Variants in PPP6R2 observed in about 807,000 individuals in gnomAD.
The protein encoded by PPP6R2 is protein phosphatase 6 regulatory subunit 2.
PPP6R2 carries 62 observed loss-of-function variants against 100.2 expected under a neutral mutation model. The observed-to-expected ratio is 0.62, with a 90% CI of 0.50 to 0.76. PPP6R2 has a LOEUF of 0.76. Ranked by LOEUF, PPP6R2 falls within the 30% of genes least tolerant of loss-of-function variation. The probability of loss-of-function intolerance (pLI) is 0.00; values close to 1 mark genes in which losing one functional copy is unlikely to be tolerated. For synonymous variants in PPP6R2, 525 were observed against 514.7 expected (o/e 1.02, Z -0.27); for missense variants, 1,142 against 1,276.3 (o/e 0.89, Z 1.60).
At chr22:50,357,738 C>G (rs1196485189) in intron 1 of PPP6R2, among the ~76,000 whole-genome samples, 1 of 151,912 alleles carries the variant, frequency 6.6e-6, no homozygotes, top group Admixed American at 6.6e-5. Flanking sequence ...ATTCTCCTGC[C>G]TCGGCCTCCC....
rs1055683653 is a variant in PPP6R2 at position 50,423,726 on chromosome 22, C to G, written c.1125+112C>G. On this transcript the variant is annotated intron_variant, in intron 10 of 23. Coordinates refer to ENST00000612753, the MANE Select transcript of PPP6R2 (RefSeq NM_001242898.2). The surrounding 1 kb of genome is among the most constrained non-coding windows in gnomAD (Gnocchi z 4.8). ...CCAGCATTTGGACAAAGCTCTGCCA[C>G]GGGGAGGTTCCAGTCCCAAGTCCCA... 1 of 1,366,054 alleles carries G rather than the reference C, an allele frequency of 7.3e-7. No individual in the cohort carries two copies. Among genetic ancestry groups the G allele is most frequent in the Non-Finnish European group, 1.0e-6 (1 of 997,588 alleles). The allele number at this position is 1,366,054 out of a possible 1,614,324, so 84.6% of individuals were successfully genotyped here.
rs748401300 is a variant in PPP6R2, at chr22:50,429,570, T to C, written c.1126-1603T>C. Among the ~76,000 whole-genome samples, 24 of 152,222 alleles carry C rather than the reference T, an allele frequency of 1.6e-4. 1 individual carries two copies. The highest frequency in any genetic ancestry group is 4.6e-4 in the Admixed American group (7 of 15,280). On this transcript the variant is annotated intron_variant, in intron 10 of 23. Coordinates refer to ENST00000612753, the MANE Select transcript of PPP6R2 (RefSeq NM_001242898.2). ...ATTGGTTTGTAGTTTTCTTTTCTTG[T>C]AGTGTCCTCATTCAGCTTTGGTATC...
chr22:50,435,932 A>ACGCC (rs1569489352), intron 13 of PPP6R2, among the ~76,000 whole-genome samples: 1 of 152,162 alleles, frequency 6.6e-6, no homozygotes, highest in Non-Finnish European at 1.5e-5. Context: ...CCCCGGAAAA[A>ACGCC]CAGGCAGGAC....
chr22:50,413,447 T>A (rs1013570379), intron 4 of PPP6R2, among the ~76,000 whole-genome samples: 5 of 152,092 alleles, frequency 3.3e-5, no homozygotes, highest in Admixed American at 3.3e-4. Flanking sequence ...TGAGTTATGA[T>A]CGCACCACTG....
At chr22:50,437,260 G>A (rs2064529049) in intron 15 of PPP6R2, among the ~76,000 whole-genome samples, 192 bp downstream of exon 15, 1 of 152,246 alleles carries the variant, frequency 6.6e-6, no homozygotes, top group African/African-American at 2.4e-5. Flanking sequence ...TGAGAGCACT[G>A]AGGACACGGC....
intron 22 of PPP6R2, among the ~76,000 whole-genome samples, chr22:50,441,956 CAA>C (rs2065750987): frequency 6.6e-6 from 1 of 152,152 alleles, no homozygotes; most frequent in Admixed American, 6.5e-5. Flanking sequence ...CACAGCTGTG[CAA>C]AGACCCTGAG....
At chr22:50,441,346 C>G (rs887150097) in intron 22 of PPP6R2, among the ~76,000 whole-genome samples, 1 of 152,186 alleles carries the variant, frequency 6.6e-6, no homozygotes, top group African/African-American at 2.4e-5. Context: ...GGGGAGCAGC[C>G]CCTACCCCAG....
In PPP6R2 at chr22:50,418,848, G is replaced by GT; in HGVS notation, c.619-16dup. ...TCTTCTCCACACTGAGGGACTCTGTGTTTCCCTTGTCTTTTCAGAGGCAGT... is the reference window on the plus strand; with the variant it reads ...TCTTCTCCACACTGAGGGACTCTGTGTTTTCCCTTGTCTTTTCAGAGGCAGT... On this transcript the variant is annotated intron_variant, in intron 6 of 23. Transcript: ENST00000612753. 1 of 1,588,726 alleles carries GT rather than the reference G, an allele frequency of 6.3e-7. No homozygotes were observed.
Position 50,414,664 on chromosome 22 carries a change from C to T in PPP6R2, c.527C>T (p.Ala176Val). Residue 176 changes from alanine to valine, a missense_variant, in exon 5 of 24, where the codon GCC becomes GTC. Physicochemically the swap from Ala to Val is moderately conservative, Grantham distance 64 (BLOSUM62 0). This residue lies in a region of PPP6R2 where 592 missense variants were observed against 758.9 expected (regional missense o/e 0.78). Coordinates refer to ENST00000612753, the MANE Select transcript of PPP6R2 (RefSeq NM_001242898.2). ...LLRLVSCVEP[A>V]GLRQDVLHWL... Reference sequence around the variant, plus strand: ...CGCCTGGTCAGCTGTGTGGAGCCAGCCGGGCTCCGGCAGGACGTCCTGCAC... The same window carrying T: ...CGCCTGGTCAGCTGTGTGGAGCCAGTCGGGCTCCGGCAGGACGTCCTGCAC... The T allele has an allele frequency of 1.2e-6, 2 of 1,612,712 alleles. No homozygotes were observed. The highest frequency in any genetic ancestry group is 1.7e-6 in the Non-Finnish European group (2 of 1,179,914).
At chr22:50,441,615 TGA>T (rs1284736767) in intron 22 of PPP6R2, among the ~76,000 whole-genome samples, 6 of 152,126 alleles carry the variant, frequency 3.9e-5, no homozygotes, top group African/African-American at 1.4e-4. Context: ...AAATCCTGAC[TGA>T]GAGTTGGAGG....
At chr22:50,361,326 A>C (rs1367413573) in intron 1 of PPP6R2, among the ~76,000 whole-genome samples, 2 of 152,150 alleles carry the variant, frequency 1.3e-5, no homozygotes, top group South Asian at 4.1e-4. Flanking sequence ...ACGGATACTT[A>C]CTAGCCCATG....
chr22:50,348,677 TAC>T (rs953523125), intron 1 of PPP6R2, among the ~76,000 whole-genome samples: 1 of 152,108 alleles, frequency 6.6e-6, no homozygotes, highest in African/African-American at 2.4e-5. Context: ...GAAGGTATCT[TAC>T]AGGAGGGTCT....
At chr22:50,381,454 C>T (rs1384129810) in intron 2 of PPP6R2, among the ~76,000 whole-genome samples, 5 of 139,372 alleles carry the variant, frequency 3.6e-5, no homozygotes, top group Admixed American at 7.2e-5. Context: ...CACCTCAGCA[C>T]CACACGGGCC....
chr22:50,436,303 C>T (rs1281194800), intron 13 of PPP6R2, 64 bp from the exon 14 acceptor site: 37 of 1,460,472 alleles, frequency 2.5e-5, no homozygotes, highest in Non-Finnish European at 3.5e-5. Flanking sequence ...GCCGGAGCCC[C>T]CGGGTGCCCT....
chr22:50,439,867 G>A lies in PPP6R2; in HGVS notation c.2285+10G>A. ...TCCAACCTTTCTGCTGGTAACAAAT[G>A]CGCTGGCAGGAGGGGGCTGTGCCAG... is the stretch of plus-strand genomic sequence containing the variant. On this transcript the variant is annotated intron_variant, in intron 20 of 23. Transcript: ENST00000612753. 3 of 1,611,036 alleles carry A rather than the reference G, an allele frequency of 1.9e-6. No individual in the cohort carries two copies. Among genetic ancestry groups the A allele is most frequent in the South Asian group, 1.1e-5 (1 of 90,826 alleles).
At chr22:50,443,595 C>T (rs1036211604) in intron 22 of PPP6R2, 12 of 524,234 alleles carry the variant, frequency 2.3e-5, no homozygotes, top group South Asian at 8.5e-5. Flanking sequence ...AAGAATGAGG[C>T]GCTTGATGAT....
At chr22:50,418,328 T>A (rs1041606700) in intron 6 of PPP6R2, among the ~76,000 whole-genome samples, 1 of 152,016 alleles carries the variant, frequency 6.6e-6, no homozygotes, top group Non-Finnish European at 1.5e-5. Context: ...TTCTTTGAAA[T>A]GAAGCTGTTG....
At chr22:50,412,650 T>C (rs963016616) in intron 4 of PPP6R2, among the ~76,000 whole-genome samples, 1 of 129,596 alleles carries the variant, frequency 7.7e-6, no homozygotes, top group African/African-American at 3.0e-5. Context: ...TTTTTTTTTT[T>C]TTTTTTTTTG....
chr22:50,441,683 G>C (rs752950382), intron 22 of PPP6R2, among the ~76,000 whole-genome samples: 1 of 152,270 alleles, frequency 6.6e-6, no homozygotes, highest in East Asian at 1.9e-4. Flanking sequence ...AGCCATCCCT[G>C]GGGAGAGAGT....
Sources: allele counts gnomAD v4.1 joint callset (sites outside exome capture counted in the v4.1 genomes callset), GRCh38; gene constraint gnomAD v4.1.1; regional missense constraint gnomAD v4.1.1; non-coding constraint Gnocchi (gnomAD v3.1); transcripts MANE v1.5; gene names NCBI Gene and HGNC (gene_info 2026-07-23, HGNC 2026-07-21).